The following PIK3C2A variants were observed in gnomAD, a reference collection of about 807,000 sequenced individuals.
PIK3C2A encodes the protein phosphatidylinositol 4-phosphate 3-kinase C2 domain-containing subunit alpha.
A neutral mutation model predicts 204.5 loss-of-function variants in PIK3C2A; 97 were observed. The ratio of observed to expected loss-of-function variants is 0.47; its 90% confidence interval spans 0.40 to 0.56. The LOEUF (loss-of-function observed/expected upper bound fraction) is 0.56. PIK3C2A is among the 20% of genes least tolerant of loss of function. The pLI is 0.00. For missense variants in PIK3C2A, 1,735 were observed against 1,969.2 expected, an observed-to-expected ratio of 0.88 and a Z score of 2.25; for synonymous variants, 653 against 664.4, an observed-to-expected ratio of 0.98 and a Z score of 0.26.
rs746526234 is a variant in PIK3C2A at position 17,089,687 on chromosome 11, G to A, written c.*51C>T. ...TGTGTCTGTGTGTGTGTGCATGTAT[G>A]CATGCACGTTTATAACTGTTCATGC... On this transcript the variant is annotated 3_prime_UTR_variant, in exon 33 of 33. Transcript: ENST00000691414. 9.3e-7 allele frequency: 1 copy of A among 1,070,604 alleles called. No individual in the cohort carries two copies. Among genetic ancestry groups the A allele is most frequent in the South Asian group, 1.3e-5 (1 of 74,416 alleles). 66.3% of individuals were successfully genotyped at this position (1,070,604 alleles called of 1,614,324 possible).
chr11:17,088,692 C>T lies in PIK3C2A; in HGVS notation c.*1046G>A, dbSNP rs777379096. The T allele has an allele frequency of 6.6e-6, 1 of 152,232 alleles. No individual in the cohort carries two copies. The highest frequency in any genetic ancestry group is 2.4e-5 in the African/African-American group (1 of 41,464). The allele number at this position is 152,232 out of a possible 1,614,324, so 9.4% of individuals were successfully genotyped here. ...AGTTTACAAGACAAACTGGTCTACA[C>T]AGACAAAGGTCTATATTAAAGTTCA... On this transcript the variant is annotated 3_prime_UTR_variant, in exon 33 of 33. Coordinates refer to ENST00000691414, the MANE Select transcript of PIK3C2A (RefSeq NM_002645.4).
At chr11:17,167,412 C>T (rs563593866) in intron 2 of PIK3C2A, among the ~76,000 whole-genome samples, 2 of 152,158 alleles carry the variant, frequency 1.3e-5, no homozygotes, top group South Asian at 2.1e-4. Flanking sequence ...CACCTGAGGT[C>T]GGGAGTTCGA....
intron 15 of PIK3C2A, among the ~76,000 whole-genome samples, chr11:17,121,565 C>T (rs1377690067): frequency 2.6e-5 from 4 of 152,168 alleles, no homozygotes; most frequent in African/African-American, 9.7e-5. Flanking sequence ...CCAAATTGCT[C>T]TCCAAAGGAG....
chr11:17,193,663 T>C (rs906818705), intron 1 of PIK3C2A: 4 of 240,624 alleles, frequency 1.7e-5, no homozygotes, highest in Non-Finnish European at 3.3e-5. Context: ...CTGGCCAACA[T>C]GGTGAAACCC....
chr11:17,183,777 C>T (rs1296731105), intron 1 of PIK3C2A, among the ~76,000 whole-genome samples: 1 of 151,926 alleles, frequency 6.6e-6, no homozygotes, highest in Non-Finnish European at 1.5e-5. Context: ...CAGCCAACAG[C>T]AGACCATATA....
At chr11:17,123,300 T>TGTA (rs1444943371) in intron 13 of PIK3C2A, among the ~76,000 whole-genome samples, 1 of 151,878 alleles carries the variant, frequency 6.6e-6, no homozygotes, top group African/African-American at 2.4e-5. Flanking sequence ...CAGACTGGAG[T>TGTA]GTAGTAGCAC....
intron 27 of PIK3C2A, 71 bp from the exon 28 acceptor site, chr11:17,094,456 G>A: frequency 1.6e-6 from 2 of 1,253,564 alleles, no homozygotes; most frequent in Non-Finnish European, 2.3e-6. Flanking sequence ...GGGTGCAGTG[G>A]CTCATGCCTG....
chr11:17,099,184 T>C (rs958574324), intron 26 of PIK3C2A, among the ~76,000 whole-genome samples: 1 of 152,160 alleles, frequency 6.6e-6, no homozygotes, highest in Non-Finnish European at 1.5e-5. Flanking sequence ...CGTGAGCCAC[T>C]GCGCCTGGCT....
chr11:17,105,920 C>G (rs1848797479), intron 22 of PIK3C2A, among the ~76,000 whole-genome samples: 1 of 151,810 alleles, frequency 6.6e-6, no homozygotes, highest in Non-Finnish European at 1.5e-5. Context: ...ACCAGCCTGG[C>G]CAACATGGCA....
chr11:17,147,790 C>A (rs567083696), intron 5 of PIK3C2A, among the ~76,000 whole-genome samples, 162 bp from the exon 6 acceptor site: 1 of 151,622 alleles, frequency 6.6e-6, no homozygotes. Context: ...TTATTCTGTA[C>A]GAGAAGAGTC....
intron 15 of PIK3C2A, among the ~76,000 whole-genome samples, chr11:17,120,885 C>T (rs1849347077): frequency 6.6e-6 from 1 of 152,166 alleles, no homozygotes; most frequent in Admixed American, 6.6e-5. Context: ...TCTTGGCTCA[C>T]TGCAACCTCC....
chr11:17,143,523 C>T (rs933756698), intron 8 of PIK3C2A, among the ~76,000 whole-genome samples: 5 of 151,654 alleles, frequency 3.3e-5, no homozygotes, highest in African/African-American at 1.2e-4. Context: ...CTGTACAGGG[C>T]CAAACAGTAA....
intron 22 of PIK3C2A, among the ~76,000 whole-genome samples, chr11:17,107,730 C>T (rs1480782749): frequency 6.6e-6 from 1 of 152,136 alleles, no homozygotes; most frequent in Non-Finnish European, 1.5e-5. Flanking sequence ...TATATGAAAA[C>T]AGAGCTCTGC....
rs537350586 is a variant in PIK3C2A at position 17,142,603 on chromosome 11, C to T, written c.1704+3065G>A. On this transcript the variant is annotated intron_variant, in intron 8 of 32. Transcript: ENST00000691414. Reference sequence around the variant, plus strand: ...GCCGAAGCAAGATGATTGTTTGAGCCCAGGAGTTCAAGACCAGCCCAGACA... The same window carrying T: ...GCCGAAGCAAGATGATTGTTTGAGCTCAGGAGTTCAAGACCAGCCCAGACA... Among the ~76,000 whole-genome samples the T allele has an allele frequency of 1.1e-4, 16 of 152,078 alleles. 1 individual carries two copies. The South Asian group carries it at 3.3e-3, about 32-fold the overall frequency.
At chr11:17,151,680 A>G (rs1358655719) in intron 3 of PIK3C2A, among the ~76,000 whole-genome samples, 1 of 152,134 alleles carries the variant, frequency 6.6e-6, no homozygotes, top group Non-Finnish European at 1.5e-5. Context: ...TAATACTACT[A>G]CTTACCTGAT....
At chr11:17,193,041 C>T (rs560107299) in intron 1 of PIK3C2A, among the ~76,000 whole-genome samples, 28 of 152,250 alleles carry the variant, frequency 1.8e-4, no homozygotes, top group African/African-American at 6.0e-4. Flanking sequence ...GAATGGGCTC[C>T]TGATTAAAAG....
At chr11:17,099,419 C>G (rs1848550724) in intron 26 of PIK3C2A, among the ~76,000 whole-genome samples, 1 of 152,070 alleles carries the variant, frequency 6.6e-6, no homozygotes, top group South Asian at 2.1e-4. Flanking sequence ...TAGTGGTGTG[C>G]GCCTGTAGTC....
At chr11:17,152,760 C>T (rs988229750) in intron 3 of PIK3C2A, among the ~76,000 whole-genome samples, 1 of 152,002 alleles carries the variant, frequency 6.6e-6, no homozygotes, top group Non-Finnish European at 1.5e-5. Flanking sequence ...TATTTTTCTA[C>T]TTTTGTGTGC....
intron 22 of PIK3C2A, 43 bp downstream of exon 22, chr11:17,110,389 C>A: frequency 1.3e-6 from 2 of 1,527,594 alleles, no homozygotes; most frequent in South Asian, 1.2e-5. Context: ...AAGCTAAGTT[C>A]AAGGAAAAAA....
Sources: gnomAD v4.1 joint callset for allele counts (sites outside exome capture counted in the v4.1 genomes callset) on GRCh38, gnomAD v4.1.1 for gene constraint, MANE v1.5 for transcripts, NCBI Gene and HGNC (gene_info 2026-07-23, HGNC 2026-07-21) for gene names.